Variants in PLCH2 observed in about 807,000 individuals in gnomAD.
The protein encoded by PLCH2 is phospholipase C eta 2.
In PLCH2, 98 loss-of-function variants were observed where a neutral mutation model predicts 134.7. The ratio of observed to expected loss-of-function variants is 0.73; its 90% confidence interval spans 0.62 to 0.86. The LOEUF (loss-of-function observed/expected upper bound fraction) is 0.86, where lower values mean the gene tolerates loss of function less well. Ranked by LOEUF, PLCH2 falls within the 40% of genes least tolerant of loss-of-function variation. The probability of loss-of-function intolerance (pLI) is 0.00; values close to 1 mark genes in which losing one functional copy is unlikely to be tolerated. For missense variants in PLCH2, 1,994 were observed against 1,986.6 expected, an observed-to-expected ratio of 1.00 and a Z score of -0.07; for synonymous variants, 974 against 827.5, an observed-to-expected ratio of 1.18 and a Z score of -3.04.
chr1:2,486,875 C>T (rs1458459976), intron 5 of PLCH2, 32 bp from the exon 6 acceptor site: 2 of 1,543,620 alleles, frequency 1.3e-6, no homozygotes, highest in African/African-American at 2.7e-5. Context: ...CAGGGATGGG[C>T]TGCCTGGACT....
In PLCH2 at chr1:2,504,900, G is replaced by A. The variant is rs768586914; in HGVS notation, c.3938G>A (p.Gly1313Glu). 7 of 1,584,518 alleles carry A rather than the reference G, an allele frequency of 4.4e-6. No individual in the cohort carries two copies. The highest frequency in any genetic ancestry group is 6.0e-6 in the Non-Finnish European group (7 of 1,164,706). ...TGGCTCACTGTCTTCCAGCAGGCAG[G>A]AGACATCACGTCACCCACCAGCCTG... ...LRWLTVFQQA[G>E]DITSPTSLGP... Residue 1313 changes from glycine (G) to glutamate (E), a missense_variant, in exon 22 of 22, where the codon GGA becomes GAA. Physicochemically the swap from Gly to Glu is moderately conservative, Grantham distance 98 (BLOSUM62 -2). Transcript: ENST00000378486.
At chr1:2,459,554 TGGTGGTCCTCCTTGCC>T (rs1557970064) in intron 2 of PLCH2, among the ~76,000 whole-genome samples, 11 of 133,910 alleles carry the variant, frequency 8.2e-5, no homozygotes, top group African/African-American at 2.4e-4. Flanking sequence ...TCCTCCTTCC[TGGTGGTCCTCCTTGCC>T]GGTGGTCCTC....
At chr1:2,419,916 C>T in the PLCH2 span, among the ~76,000 whole-genome samples, 2 of 152,012 alleles carry the variant, frequency 1.3e-5, no homozygotes. Context: ...ACCTGCTGCC[C>T]GTAGTCGGCT....
At chr1:2,468,838 T>C (rs1335621703) in intron 1 of PLCH2, among the ~76,000 whole-genome samples, 2 of 152,106 alleles carry the variant, frequency 1.3e-5, no homozygotes, top group Non-Finnish European at 2.9e-5. Flanking sequence ...TGAGCCTCCA[T>C]GGGCAAGAGG....
rs932013867 is a variant in PLCH2 at position 2,498,183 on chromosome 1, T to C, written c.2225-340T>C. The C allele has an allele frequency of 6.2e-6, 2 of 322,526 alleles. No individual in the cohort carries two copies. Among genetic ancestry groups the C allele is most frequent in the African/African-American group, 4.3e-5 (2 of 46,962 alleles). The allele number at this position is 322,526 out of a possible 1,614,324, so 20.0% of individuals were successfully genotyped here. A position where few individuals can be genotyped will look rare whatever the true frequency, so the allele number is the denominator to read the frequency against. Reference sequence around the variant, plus strand: ...TGCCCTTGGCTTGCCCTCCTCAGAGTTCTCAGCCTGAGTGGGCCCTGGGGA... The same window carrying C: ...TGCCCTTGGCTTGCCCTCCTCAGAGCTCTCAGCCTGAGTGGGCCCTGGGGA... On this transcript the variant is annotated intron_variant, in intron 16 of 21. Transcript: ENST00000378486. The surrounding 1 kb of genome is among the most constrained non-coding windows in gnomAD (Gnocchi z 5.4).
rs2100741977 is a variant in PLCH2, at chr1:2,502,300, T to C, written c.2850T>C (p.Gly950=). The change falls in exon 21 of 22, where the codon GGT becomes GGC. Residue 950 remains glycine, a synonymous_variant. Coordinates refer to ENST00000378486, the MANE Select transcript of PLCH2 (RefSeq NM_014638.4). ...GRRGFPELVL[G]TRDTGSKGVA... ...GGGGCTTCCCGGAGCTGGTCCTGGG[T>C]ACACGGGACACAGGCTCCAAGGGGG... 1 of 1,536,658 alleles carries C rather than the reference T, an allele frequency of 6.5e-7. No individual in the cohort carries two copies. Among genetic ancestry groups the C allele is most frequent in the Non-Finnish European group, 8.8e-7 (1 of 1,142,202 alleles).
chr1:2,417,564 T>C, the PLCH2 span, among the ~76,000 whole-genome samples: 1 of 152,136 alleles, frequency 6.6e-6, no homozygotes, highest in African/African-American at 2.4e-5. Flanking sequence ...CAAGCTGGAA[T>C]GGCGTCCACT....
upstream of PLCH2, among the ~76,000 whole-genome samples, chr1:2,423,588 G>A (rs1174154232): frequency 1.3e-5 from 2 of 152,140 alleles, no homozygotes; most frequent in Non-Finnish European, 2.9e-5. Context: ...AGGGTGAGGG[G>A]CTGGAGAAGC....
intron 2 of PLCH2, among the ~76,000 whole-genome samples, chr1:2,458,270 AGGGT>A (rs1411752118): frequency 6.6e-6 from 1 of 152,192 alleles, no homozygotes; most frequent in Non-Finnish European, 1.5e-5. Flanking sequence ...GGATGGGACA[AGGGT>A]GTGTCCTGCC....
upstream of PLCH2, among the ~76,000 whole-genome samples, chr1:2,471,966 G>A (rs1391154166): frequency 2.0e-5 from 3 of 152,184 alleles, no homozygotes; most frequent in African/African-American, 4.8e-5. Context: ...AGGGCAGAGC[G>A]TCTGTCCCTG....
At chr1:2,453,565 G>C (rs1640344467) in intron 2 of PLCH2, among the ~76,000 whole-genome samples, 1 of 152,150 alleles carries the variant, frequency 6.6e-6, no homozygotes, top group South Asian at 2.1e-4. Flanking sequence ...TCTTCACAGG[G>C]CCCTGTGGCC....
the PLCH2 span, among the ~76,000 whole-genome samples, chr1:2,419,598 G>C: frequency 3.3e-5 from 5 of 152,016 alleles, no homozygotes; most frequent in African/African-American, 4.8e-5. Context: ...AGGGGCCCGG[G>C]GCTCTCCAGA....
Position 2,503,914 on chromosome 1 carries a change from C to A in PLCH2, c.2960-8C>A. The A allele has an allele frequency of 2.6e-6, 2 of 768,344 alleles. No individual in the cohort carries two copies. Among genetic ancestry groups the A allele is most frequent in the South Asian group, 1.6e-5 (1 of 63,934 alleles). 47.6% of individuals were successfully genotyped at this position (768,344 alleles called of 1,614,324 possible). On this transcript the variant is annotated splice_region_variant and splice_polypyrimidine_tract_variant and intron_variant, in intron 21 of 21. Coordinates refer to ENST00000378486, the MANE Select transcript of PLCH2 (RefSeq NM_014638.4). ...CTGGCTCTCTCTCACTCCCCCACCT[C>A]CCCACAGACACCCGCCCCCTCTCCA...
Position 2,504,206 on chromosome 1 carries a change from C to G in PLCH2, c.3244C>G (p.Pro1082Ala), listed in dbSNP as rs1378858096. The G allele has an allele frequency of 2.6e-6, 4 of 1,555,868 alleles. No individual in the cohort carries two copies. Among genetic ancestry groups the G allele is most frequent in the South Asian group, 2.3e-5 (2 of 85,132 alleles). ...PGSQTDGRSQ[P>A]RTLGHLPVIR... ...CAGCCAGACGGACGGCAGGAGCCAGCCCCGGACCCTGGGCCACCTGCCCGT... is the reference window on the plus strand; with the variant it reads ...CAGCCAGACGGACGGCAGGAGCCAGGCCCGGACCCTGGGCCACCTGCCCGT... The change falls in exon 22 of 22, where the codon CCC becomes GCC. Residue 1082 changes from proline to alanine, a missense_variant. This residue lies in a region of PLCH2 where 900 missense variants were observed against 752.3 expected (regional missense o/e 1.20). Coordinates refer to ENST00000378486, the MANE Select transcript of PLCH2 (RefSeq NM_014638.4).
At chr1:2,455,400 A>G (rs1263809473) in intron 2 of PLCH2, among the ~76,000 whole-genome samples, 1 of 152,000 alleles carries the variant, frequency 6.6e-6, no homozygotes, top group Non-Finnish European at 1.5e-5. Context: ...TGGGTCCCCA[A>G]ATTTGGCGGT....
Position 2,489,234 on chromosome 1 carries a change from C to G in PLCH2, c.1263C>G (p.Asn421Lys), listed in dbSNP as rs1054074332. The G allele has an allele frequency of 6.2e-7, 1 of 1,613,794 alleles. No individual in the cohort carries two copies. Among genetic ancestry groups the G allele is most frequent in the African/African-American group, 1.3e-5 (1 of 74,934 alleles). Reference sequence around the variant, plus strand: ...ACCCAGTGATCCTGTCCATCGAAAACCACTGCAGTGTCATCCAGCAGAAGA... The same window carrying G: ...ACCCAGTGATCCTGTCCATCGAAAAGCACTGCAGTGTCATCCAGCAGAAGA... The part of the protein sequence containing the change: ...NEYPVILSIE[N>K]HCSVIQQKKM... The change falls in exon 9 of 22, where the codon AAC becomes AAG. Residue 421 changes from asparagine to lysine, a missense_variant. Physicochemically the swap from Asn to Lys is moderately conservative, Grantham distance 94. Transcript: ENST00000378486.
intron 8 of PLCH2, 115 bp downstream of exon 8, chr1:2,487,833 G>C (rs1026260209): frequency 9.8e-7 from 1 of 1,020,888 alleles, no homozygotes; most frequent in Non-Finnish European, 1.4e-6. Context: ...TGACTGTGGT[G>C]ACCAGGGGGC....
chr1:2,434,086 T>C lies in PLCH2; in HGVS notation c.115+3457T>C, dbSNP rs544481728. Among the ~76,000 whole-genome samples the C allele has an allele frequency of 2.8e-4, 42 of 152,354 alleles. 1 individual carries two copies. Among genetic ancestry groups the C allele is most frequent in the African/African-American group, 9.6e-4 (40 of 41,596 alleles). ...GGCTTCGTGGCGGGTCTCCCGTTGT[T>C]TCCTTGGAGGCTGCGGGTCTCCCTG... On this transcript the variant is annotated intron_variant, in intron 2 of 3. Coordinates refer to the PLCH2 transcript ENST00000609981.
At chr1:2,485,228 C>CTGT in intron 5 of PLCH2, among the ~76,000 whole-genome samples, 1 of 48,580 alleles carries the variant, frequency 2.1e-5, no homozygotes, top group South Asian at 5.7e-4. Flanking sequence ...CCAAGTGCTG[C>CTGT]CCCACTGACC....
Sources: allele counts gnomAD v4.1 joint callset (sites outside exome capture counted in the v4.1 genomes callset), GRCh38; gene constraint gnomAD v4.1.1; regional missense constraint gnomAD v4.1.1; non-coding constraint Gnocchi (gnomAD v3.1); transcripts MANE v1.5; gene names NCBI Gene and HGNC (gene_info 2026-07-23, HGNC 2026-07-21).